Variants in SPON1 observed in about 807,000 individuals in gnomAD.
SPON1 encodes the protein spondin-1.
Under a neutral mutation model 111.7 loss-of-function variants are expected in SPON1, and 52 were observed. That is an observed-to-expected ratio of 0.47 (90% CI 0.37 to 0.59). The LOEUF (loss-of-function observed/expected upper bound fraction) is 0.59, where lower values mean the gene tolerates loss of function less well. SPON1 is among the 20% of genes least tolerant of loss of function. The probability of loss-of-function intolerance (pLI) is 0.00; values close to 1 mark genes in which losing one functional copy is unlikely to be tolerated. For missense variants in SPON1, 957 were observed against 1,068.5 expected (o/e 0.90, Z 1.46); for synonymous variants, 410 against 395.8 (o/e 1.04, Z -0.43).
intron 1 of SPON1, among the ~76,000 whole-genome samples, chr11:13,975,846 T>G (rs1848099158): frequency 6.6e-6 from 1 of 152,174 alleles, no homozygotes; most frequent in African/African-American, 2.4e-5. Context: ...AACACATTGT[T>G]GGGTAATCAG....
At chr11:14,216,130 C>A (rs565456499) in intron 6 of SPON1, among the ~76,000 whole-genome samples, 1 of 152,172 alleles carries the variant, frequency 6.6e-6, no homozygotes, top group African/African-American at 2.4e-5. Flanking sequence ...TCACTTGGAT[C>A]TTTTTCTCCT....
At chr11:13,969,169 C>A (rs1554908353) in intron 1 of SPON1, among the ~76,000 whole-genome samples, 1 of 139,600 alleles carries the variant, frequency 7.2e-6, no homozygotes, top group Admixed American at 8.1e-5. Flanking sequence ...TGCTTAACCC[C>A]AGGAGTTCAA....
intron 2 of SPON1, among the ~76,000 whole-genome samples, chr11:14,016,694 A>G (rs1848446549): frequency 6.6e-6 from 1 of 152,238 alleles, no homozygotes; most frequent in African/African-American, 2.4e-5. Flanking sequence ...TAAAATTAAT[A>G]CTTTAAAAAT....
At chr11:14,160,471 A>T (rs1399713791) in intron 6 of SPON1, among the ~76,000 whole-genome samples, 1 of 16,044 alleles carries the variant, frequency 6.2e-5, no homozygotes, top group African/African-American at 2.8e-4. Flanking sequence ...ATATATATTT[A>T]TATATATATT....
intron 6 of SPON1, among the ~76,000 whole-genome samples, chr11:14,207,471 G>T (rs1848529418): frequency 6.6e-6 from 1 of 151,940 alleles, no homozygotes; most frequent in Admixed American, 6.6e-5. Flanking sequence ...ATCCAACAAA[G>T]GTCTAATATC....
At chr11:14,071,457 C>T (rs16913592) in intron 3 of SPON1, among the ~76,000 whole-genome samples, 10,971 of 152,098 alleles carry the variant, frequency 0.072, 469 homozygotes, top group South Asian at 0.19. Flanking sequence ...TCCACACTCC[C>T]ATTCCCTCCC....
chr11:14,042,585 A>G (rs1419178946), intron 3 of SPON1, among the ~76,000 whole-genome samples: 16 of 152,210 alleles, frequency 1.1e-4, no homozygotes, highest in African/African-American at 3.9e-4. Context: ...TTCCAGTCCT[A>G]GCATCCAAGA....
chr11:14,252,156 G>A (rs1849060051), intron 7 of SPON1, among the ~76,000 whole-genome samples: 1 of 152,234 alleles, frequency 6.6e-6, no homozygotes. Flanking sequence ...AGGTCCTGGG[G>A]TACAGCTATG....
chr11:14,050,381 T>C (rs561847175), intron 3 of SPON1, among the ~76,000 whole-genome samples: 3 of 152,328 alleles, frequency 2.0e-5, no homozygotes, highest in African/African-American at 7.2e-5. Flanking sequence ...TAAAGTTTTA[T>C]TGGAACACAG....
intron 3 of SPON1, among the ~76,000 whole-genome samples, chr11:14,062,067 C>A (rs1848795338): frequency 6.6e-6 from 1 of 152,226 alleles, no homozygotes; most frequent in Non-Finnish European, 1.5e-5. Flanking sequence ...GGATATACCA[C>A]AGCTCTAGGA....
In SPON1 at chr11:14,260,607, G is replaced by A. The variant is rs376674444; in HGVS notation, c.1851G>A (p.Leu617=). Residue 617 remains leucine (L), a synonymous_variant, in exon 14 of 16, where the codon CTG becomes CTA. Transcript: ENST00000576479. ...MPECHTIPCL[L]SPWSEWSDCS... ...ATCTAGACACCATCCCATGCTTGCTGTCCCCATGGTCCGAGTGGAGTGACT... is the reference window on the plus strand; with the variant it reads ...ATCTAGACACCATCCCATGCTTGCTATCCCCATGGTCCGAGTGGAGTGACT... 6.2e-7 allele frequency: 1 copy of A among 1,613,752 alleles called. No homozygotes were observed. Among genetic ancestry groups the A allele is most frequent in the Admixed American group, 1.7e-5 (1 of 59,980 alleles).
chr11:14,219,923 C>T (rs1226444024), intron 6 of SPON1, among the ~76,000 whole-genome samples: 1 of 151,918 alleles, frequency 6.6e-6, no homozygotes, highest in Non-Finnish European at 1.5e-5. Context: ...CCCATCTCTA[C>T]AAAAAGTACA....
At chr11:13,964,541 G>C (rs1268147099) in intron 1 of SPON1, among the ~76,000 whole-genome samples, 1 of 152,214 alleles carries the variant, frequency 6.6e-6, no homozygotes, top group Non-Finnish European at 1.5e-5. Context: ...TCCACCCGGA[G>C]CTACCCAAAG....
Position 14,141,071 on chromosome 11 carries a change from A to G in SPON1, c.825+5503A>G, listed in dbSNP as rs1211496746. Among the ~76,000 whole-genome samples, 5 of 133,446 alleles carry G rather than the reference A, an allele frequency of 3.7e-5. No individual in the cohort carries two copies. The East Asian group carries it at 1.3e-3, about 34-fold the overall frequency. 87.5% of individuals were successfully genotyped at this position (133,446 alleles called of 152,430 possible). A position where few individuals can be genotyped will look rare whatever the true frequency, so the allele number is the denominator to read the frequency against. On this transcript the variant is annotated intron_variant, in intron 6 of 15. Coordinates refer to ENST00000576479, the MANE Select transcript of SPON1 (RefSeq NM_006108.4). ...TGGCTCAAGATTTCCCCTTCTCTCC[A>G]TGCATGGGCTTCTAAACCCCCGCCT... is the stretch of plus-strand genomic sequence containing the variant.
chr11:14,097,027 C>T (rs1849106987), intron 5 of SPON1, among the ~76,000 whole-genome samples: 1 of 152,154 alleles, frequency 6.6e-6, no homozygotes, highest in Non-Finnish European at 1.5e-5. Flanking sequence ...TCCTCTCCCC[C>T]ATCCCACTCA....
chr11:14,117,423 C>CTGTTCTATGTTTT (rs1849274963), intron 5 of SPON1, among the ~76,000 whole-genome samples: 1 of 151,976 alleles, frequency 6.6e-6, no homozygotes, highest in Admixed American at 6.5e-5. Context: ...GATACTTTTT[C>CTGTTCTATGTTTT]TGTGTTCTAT....
chr11:13,963,623 A>G (rs999504602), intron 1 of SPON1, among the ~76,000 whole-genome samples: 1 of 152,186 alleles, frequency 6.6e-6, no homozygotes, highest in African/African-American at 2.4e-5. Flanking sequence ...CCTGGGCGGG[A>G]CAGCCACTCC....
intron 6 of SPON1, among the ~76,000 whole-genome samples, chr11:14,179,889 AAAAAG>A (rs1848219474): frequency 6.6e-6 from 1 of 152,138 alleles, no homozygotes; most frequent in Admixed American, 6.6e-5. Context: ...CTCCCCGCGT[AAAAAG>A]ATGATGAAAT....
intron 6 of SPON1, among the ~76,000 whole-genome samples, chr11:14,174,574 G>A (rs2133884003): frequency 1.3e-5 from 2 of 151,400 alleles, no homozygotes; most frequent in African/African-American, 4.8e-5. Flanking sequence ...GGGGCCTGTG[G>A]CACCTCCTCT....
Sources: allele counts gnomAD v4.1 joint callset (sites outside exome capture counted in the v4.1 genomes callset), GRCh38; gene constraint gnomAD v4.1.1; transcripts MANE v1.5; gene names NCBI Gene and HGNC (gene_info 2026-07-23, HGNC 2026-07-21).